PTPRM: variants seen among roughly 807,000 people sequenced by gnomAD.
PTPRM encodes protein tyrosine phosphatase receptor type M, also known as receptor-type tyrosine-protein phosphatase mu.
A neutral mutation model predicts 186.7 loss-of-function variants in PTPRM; 47 were observed. That is an observed-to-expected ratio of 0.25 (90% confidence interval 0.20 to 0.32). The LOEUF (loss-of-function observed/expected upper bound fraction) is 0.32. PTPRM is among the 10% of genes least tolerant of loss of function. The pLI is 1.00. For synonymous variants in PTPRM, 668 were observed against 674.9 expected, an observed-to-expected ratio of 0.99 and a Z score of 0.16; for missense variants, 1,494 against 1,865.0, an observed-to-expected ratio of 0.80 and a Z score of 3.66.
chr18:7,993,392 A>G (rs1390703620), intron 7 of PTPRM, among the ~76,000 whole-genome samples: 1 of 152,108 alleles, frequency 6.6e-6, no homozygotes, highest in African/African-American at 2.4e-5. Context: ...TTCTGAATAT[A>G]CTTAACACAT....
intron 23 of PTPRM, among the ~76,000 whole-genome samples, chr18:8,359,319 G>A (rs111574958): frequency 0.013 from 2,041 of 152,344 alleles, 48 homozygotes; most frequent in African/African-American, 0.046. Context: ...AGGTAACTGC[G>A]AGCTGGGTGC....
At chr18:7,908,425 T>G (rs2050104231) in intron 4 of PTPRM, among the ~76,000 whole-genome samples, 1 of 152,214 alleles carries the variant, frequency 6.6e-6, no homozygotes, top group South Asian at 2.1e-4. Context: ...CAGGAGTGGC[T>G]CAGCTTTTTA....
intron 1 of PTPRM, among the ~76,000 whole-genome samples, chr18:7,772,368 T>G (rs2042336661): frequency 2.0e-5 from 2 of 99,546 alleles, no homozygotes; most frequent in South Asian, 4.5e-4. Context: ...TCTTTCTTTC[T>G]TTCTTTCTTT....
chr18:8,310,125 G>T (rs1373858601), intron 20 of PTPRM, among the ~76,000 whole-genome samples: 1 of 151,986 alleles, frequency 6.6e-6, no homozygotes, highest in Non-Finnish European at 1.5e-5. Flanking sequence ...AAGTCAACAT[G>T]ATACCTCTTC....
intron 23 of PTPRM, among the ~76,000 whole-genome samples, chr18:8,367,758 G>T (rs2095640853): frequency 6.6e-6 from 1 of 152,250 alleles, no homozygotes; most frequent in Admixed American, 6.5e-5. Context: ...CGAGCTTTCA[G>T]TGCATGCAAG....
intron 1 of PTPRM, among the ~76,000 whole-genome samples, chr18:7,710,827 T>A (rs1300649244): frequency 6.6e-6 from 1 of 150,774 alleles, no homozygotes; most frequent in African/African-American, 2.5e-5. Context: ...TAAAATAAAA[T>A]ACATAGGACT....
chr18:8,122,043 CTTGT>C (rs2092193356), intron 13 of PTPRM: 1 of 151,556 alleles, frequency 6.6e-6, no homozygotes, highest in South Asian at 2.1e-4. Flanking sequence ...CTGACTAGAG[CTTGT>C]TTAAGGGAAA....
chr18:7,936,497 C>A (rs2051820626), intron 5 of PTPRM, among the ~76,000 whole-genome samples: 1 of 152,200 alleles, frequency 6.6e-6, no homozygotes, highest in Non-Finnish European at 1.5e-5. Context: ...ACATGCCAGC[C>A]CCCTGCCGCC....
At chr18:7,973,914 T>C (rs1368683397) in intron 7 of PTPRM, among the ~76,000 whole-genome samples, 1 of 150,608 alleles carries the variant, frequency 6.6e-6, no homozygotes, top group African/African-American at 2.5e-5. Flanking sequence ...TTTGTTGAAT[T>C]TTTTTTAGAA....
chr18:8,365,308 A>G (rs2095621754), intron 23 of PTPRM, among the ~76,000 whole-genome samples: 1 of 152,180 alleles, frequency 6.6e-6, no homozygotes, highest in Admixed American at 6.5e-5. Context: ...CTTCCAGAGC[A>G]CGAGGAAATA....
At chr18:8,195,434 T>C (rs2093764261) in intron 14 of PTPRM, among the ~76,000 whole-genome samples, 1 of 152,164 alleles carries the variant, frequency 6.6e-6, no homozygotes, top group Non-Finnish European at 1.5e-5. Context: ...TTACTAGTTA[T>C]CTACCCAAAG....
chr18:7,857,730 A>G (rs1019261354), intron 2 of PTPRM, among the ~76,000 whole-genome samples: 1 of 152,076 alleles, frequency 6.6e-6, no homozygotes, highest in African/African-American at 2.4e-5. Flanking sequence ...TAAGTGTGTT[A>G]TTTGGCTTGT....
intron 13 of PTPRM, among the ~76,000 whole-genome samples, chr18:8,127,833 A>C (rs1265863253): frequency 2.0e-5 from 3 of 152,162 alleles, no homozygotes; most frequent in Non-Finnish European, 2.9e-5. Flanking sequence ...TGAGCTCTAC[A>C]TAAGAGAGGA....
At chr18:7,618,215 G>A (rs1204148904) in intron 1 of PTPRM, among the ~76,000 whole-genome samples, 3 of 152,152 alleles carry the variant, frequency 2.0e-5, no homozygotes, top group Non-Finnish European at 2.9e-5. Flanking sequence ...CATTTCAATA[G>A]ACCGTTGAAT....
intron 1 of PTPRM, among the ~76,000 whole-genome samples, chr18:7,628,196 T>C (rs1313407304): frequency 6.6e-6 from 1 of 152,118 alleles, no homozygotes; most frequent in Non-Finnish European, 1.5e-5. Context: ...ACACAGGATA[T>C]GTATTCTGTG....
chr18:8,322,532 C>T (rs1165464254), intron 22 of PTPRM, among the ~76,000 whole-genome samples: 1 of 152,154 alleles, frequency 6.6e-6, no homozygotes, highest in Non-Finnish European at 1.5e-5. Context: ...TATGATTTAG[C>T]AAACCAGGAG....
At chr18:8,396,273 G>C (rs2095844868) in intron 32 of PTPRM, among the ~76,000 whole-genome samples, 1 of 152,238 alleles carries the variant, frequency 6.6e-6, no homozygotes, top group African/African-American at 2.4e-5. Flanking sequence ...GAAATATTCT[G>C]CCTGTGGCTT....
At position 7,771,418 on chromosome 18, in the gene PTPRM, ACATTTCGTAC is replaced by A. The variant is rs2042264430; in HGVS notation, c.74-2729_74-2720del. Among the ~76,000 whole-genome samples, 3 of 152,226 alleles carry A rather than the reference ACATTTCGTAC, an allele frequency of 2.0e-5. No individual in the cohort carries two copies. In the South Asian group the frequency reaches 6.2e-4, roughly 32 times the overall value. Reference sequence around the variant, plus strand: ...TCTCGTAAATGTTTGCAGTCTTCTAACATTTCGTACCCCAAACTGGAAAGTTGTTAGTATT... The same window carrying A: ...TCTCGTAAATGTTTGCAGTCTTCTAACCCAAACTGGAAAGTTGTTAGTATT... On this transcript the variant is annotated intron_variant, in intron 1 of 32. Coordinates refer to ENST00000580170, the MANE Select transcript of PTPRM (RefSeq NM_001105244.2).
chr18:7,886,277 A>T (rs2048781199), intron 2 of PTPRM, among the ~76,000 whole-genome samples: 1 of 152,230 alleles, frequency 6.6e-6, no homozygotes, highest in African/African-American at 2.4e-5. Flanking sequence ...GGGGTTCATC[A>T]ACCCTGCATG....
Sources: allele counts gnomAD v4.1 joint callset (sites outside exome capture counted in the v4.1 genomes callset), GRCh38; gene constraint gnomAD v4.1.1; transcripts MANE v1.5; gene names NCBI Gene and HGNC (gene_info 2026-07-23, HGNC 2026-07-21).